The following ZFP28 variants were observed in gnomAD, a reference collection of about 807,000 sequenced individuals.
The protein encoded by ZFP28 is zinc finger protein 28 homolog.
ZFP28 carries 31 observed loss-of-function variants against 39.5 expected under a neutral mutation model. That is an observed-to-expected ratio of 0.79 (90% CI 0.59 to 1.06). ZFP28 has a LOEUF of 1.06. ZFP28 is among the 50% of genes least tolerant of loss of function. ZFP28 has a pLI of 0.00. For missense variants in ZFP28, 925 were observed against 1,048.4 expected (o/e 0.88, Z 1.63); for synonymous variants, 400 against 378.6 (o/e 1.06, Z -0.66).
intron 2 of ZFP28, chr19:56,546,791 G>A (rs1481924234): frequency 6.6e-6 from 1 of 152,284 alleles, no homozygotes; most frequent in African/African-American, 2.4e-5. Context: ...GGACAGTGCT[G>A]TAGTACCTGT....
Position 56,555,194 on chromosome 19 carries a change from TAA to T in ZFP28, c.2410_2411del (p.Lys804GlufsTer10). 1.2e-6 allele frequency: 2 copies of T among 1,614,168 alleles called. No individual in the cohort carries two copies. Among genetic ancestry groups the T allele is most frequent in the Non-Finnish European group, 1.7e-6 (2 of 1,180,024 alleles). ...TCCAAATTGGACACCTTAATCAACA[TAA>T]GAGAGTTCATACTGGAGAGAGATCT... is the stretch of plus-strand genomic sequence containing the variant. ...FIQIGHLNQH[K>X]RVHTGERSYN... On this transcript the variant is annotated frameshift_variant, in exon 8 of 8. Coordinates refer to ENST00000301318, the MANE Select transcript of ZFP28 (RefSeq NM_020828.2). LOFTEE classifies it low-confidence loss of function (END_TRUNC).
upstream of ZFP28, chr19:56,537,778 A>G (rs1022025877): frequency 6.6e-6 from 1 of 152,322 alleles, no homozygotes; most frequent in African/African-American, 2.4e-5. Flanking sequence ...CCAGGCGTGC[A>G]GTGTGACTGG....
chr19:56,553,753 A>G lies in ZFP28; in HGVS notation c.968A>G (p.Asp323Gly). 6.2e-7 allele frequency: 1 copy of G among 1,614,180 alleles called. No individual in the cohort carries two copies. The highest frequency in any genetic ancestry group is 8.5e-7 in the Non-Finnish European group (1 of 1,180,030). The change falls in exon 8 of 8, where the codon GAC becomes GGC. Residue 323 changes from aspartate (D) to glycine (G), a missense_variant. By Grantham distance (94) the Asp-to-Gly change is moderately conservative (BLOSUM62 -1). Coordinates refer to ENST00000301318, the MANE Select transcript of ZFP28 (RefSeq NM_020828.2). ...KQDSYAEGVT[D>G]RTSNTKLDCS... is the part of the protein sequence containing the mutation. ...GATTCATATGCTGAAGGGGTAACAGACAGAACCTCAAACACTAAACTTGAT... is the reference window on the plus strand; with the variant it reads ...GATTCATATGCTGAAGGGGTAACAGGCAGAACCTCAAACACTAAACTTGAT...
At chr19:56,538,465 G>A (rs1354045839), upstream of ZFP28, 3 of 152,776 alleles carry the variant, frequency 2.0e-5, no homozygotes, top group African/African-American at 4.8e-5. Flanking sequence ...AGAAGCCTTT[G>A]GGGGGTGGGT....
In ZFP28 at chr19:56,539,075, C is replaced by A. The variant is rs61730414; in HGVS notation, c.57C>A (p.Gly19=). Reference sequence around the variant, plus strand: ...AGCCGACGCCGCTCCCGGGTAGAGGCGCCCCCCGCACAAAGCCCCGGGCGG... The same window carrying A: ...AGCCGACGCCGCTCCCGGGTAGAGGAGCCCCCCGCACAAAGCCCCGGGCGG... ...VREPTPLPGR[G]APRTKPRAGR... is the part of the protein sequence containing the mutation. Residue 19 remains glycine, a synonymous_variant, in exon 1 of 8, where the codon GGC becomes GGA. Transcript: ENST00000301318. The A allele has an allele frequency of 0.013, 20,239 of 1,526,466 alleles. 159 individuals carry two copies. The highest frequency in any genetic ancestry group is 0.016 in the Non-Finnish European group (18,282 of 1,141,608). 94.6% of individuals were successfully genotyped at this position (1,526,466 alleles called of 1,614,324 possible).
At chr19:56,538,656 C>T (rs778770800), upstream of ZFP28, 1 of 151,870 alleles carries the variant, frequency 6.6e-6, no homozygotes, top group South Asian at 2.1e-4. Context: ...CCGCCGCATC[C>T]GTCCCTGCTT....
At chr19:56,539,755 CT>C in intron 2 of ZFP28, 39 bp downstream of exon 2, 1 of 1,576,686 alleles carries the variant, frequency 6.3e-7, no homozygotes, top group Non-Finnish European at 8.7e-7. Flanking sequence ...GAAATGCAGT[CT>C]TGCTTTTCGG....
At position 56,550,565 on chromosome 19, in the gene ZFP28, C is replaced by G. The variant is rs750377293; in HGVS notation, c.858C>G (p.Pro286=). The change falls in exon 7 of 8, where the codon CCC becomes CCG. Residue 286 remains proline (P), a synonymous_variant. Coordinates refer to ENST00000301318, the MANE Select transcript of ZFP28 (RefSeq NM_020828.2). The part of the protein sequence containing the change: ...LVSLLEQEKE[P]WMVKRELTGS... ...CTTTACTAGAGCAAGAGAAGGAGCC[C>G]TGGATGGTGAAGCGAGAGCTGACAG... 6.2e-7 allele frequency: 1 copy of G among 1,614,098 alleles called. No individual in the cohort carries two copies.
At position 56,547,888 on chromosome 19, in the gene ZFP28, G is replaced by T; in HGVS notation, c.509G>T (p.Arg170Ile). ...EPWTVKRKMT[R>I]AWCPDLKAVW... is the part of the protein sequence containing the mutation. The stretch of plus-strand genomic sequence containing the variant: ...TGGACAGTGAAGCGAAAGATGACAA[G>T]AGCCTGGTGCCCAGGTGAGTGTGGG... Residue 170 changes from arginine (R) to isoleucine (I), a missense_variant, in exon 4 of 8, where the codon AGA becomes ATA. Physicochemically the swap from Arg to Ile is moderately conservative, Grantham distance 97. Transcript: ENST00000301318. The surrounding 1 kb of genome is among the most constrained non-coding windows in gnomAD (Gnocchi z 4.6). 2 of 1,614,188 alleles carry T rather than the reference G, an allele frequency of 1.2e-6. No individual in the cohort carries two copies. Among genetic ancestry groups the T allele is most frequent in the Non-Finnish European group, 1.7e-6 (2 of 1,180,032 alleles).
intron 2 of ZFP28, among the ~76,000 whole-genome samples, chr19:56,543,499 G>A (rs924726142): frequency 1.3e-5 from 2 of 151,766 alleles, no homozygotes; most frequent in Non-Finnish European, 2.9e-5. Flanking sequence ...CAAACTCCTG[G>A]GCTCAAGGAA....
In ZFP28 at chr19:56,555,555, G is replaced by A; in HGVS notation, c.*163G>A. The A allele has an allele frequency of 3.0e-6, 3 of 998,842 alleles. No individual in the cohort carries two copies. The highest frequency in any genetic ancestry group is 3.3e-4 in the Middle Eastern group (1 of 3,032). The allele number at this position is 998,842 out of a possible 1,614,324, so 61.9% of individuals were successfully genotyped here. ...TTATAGTTTCTTTAAATTGGTTAAT[G>A]TGTGAGATGTGCTCAGCACAGTGCC... On this transcript the variant is annotated 3_prime_UTR_variant, in exon 8 of 8. Coordinates refer to ENST00000301318, the MANE Select transcript of ZFP28 (RefSeq NM_020828.2).
rs918908641 is a variant in ZFP28 at position 56,539,555 on chromosome 19, G to A, written c.209-70G>A. 20 of 1,316,946 alleles carry A rather than the reference G, an allele frequency of 1.5e-5. No individual in the cohort carries two copies. In the South Asian group the frequency reaches 2.3e-4, roughly 15 times the overall value. 81.6% of individuals were successfully genotyped at this position (1,316,946 alleles called of 1,614,324 possible). A position where few individuals can be genotyped will look rare whatever the true frequency, so the allele number is the denominator to read the frequency against. ...TGATCCCACCTTTTCATGCAGGAAG[G>A]GACGTTTCTAGGCTGGTGATTTGGG... On this transcript the variant is annotated intron_variant, in intron 1 of 7. Coordinates refer to ENST00000301318, the MANE Select transcript of ZFP28 (RefSeq NM_020828.2).
intron 7 of ZFP28, 22 bp from the exon 8 acceptor site, chr19:56,553,662 G>C (rs769158268): frequency 2.0e-6 from 3 of 1,538,080 alleles, no homozygotes; most frequent in Non-Finnish European, 2.6e-6. Context: ...AAGGAAATAT[G>C]TGTTTTCTTG....
Position 56,544,781 on chromosome 19 carries a change from G to A in ZFP28, c.301-2727G>A, listed in dbSNP as rs532255198. On this transcript the variant is annotated intron_variant, in intron 2 of 7. Coordinates refer to ENST00000301318, the MANE Select transcript of ZFP28 (RefSeq NM_020828.2). ...AGTGTTGTAAGTGCTTTCAGCTATT[G>A]TTATTGCTGTTATTTACAGTAAAAG... 1.2e-4 allele frequency: 19 copies of A among 152,298 alleles called. No homozygotes were observed. The South Asian group carries it at 3.3e-3, about 27-fold the overall frequency. 9.4% of individuals were successfully genotyped at this position (152,298 alleles called of 1,614,324 possible). A position where few individuals can be genotyped will look rare whatever the true frequency, so the allele number is the denominator to read the frequency against.
chr19:56,541,445 C>T (rs2044194378), intron 2 of ZFP28, among the ~76,000 whole-genome samples: 1 of 152,148 alleles, frequency 6.6e-6, no homozygotes, highest in Non-Finnish European at 1.5e-5. Context: ...CTTCTGCTCA[C>T]GCTCCCCACA....
intron 4 of ZFP28, 121 bp from the exon 5 acceptor site, chr19:56,548,837 T>C: frequency 7.5e-6 from 8 of 1,061,442 alleles, no homozygotes; most frequent in Non-Finnish European, 1.0e-5. Context: ...TTTCATTTTC[T>C]TCCATAAAAA....
At chr19:56,537,638 G>C (rs2044146108), upstream of ZFP28, 1 of 152,252 alleles carries the variant, frequency 6.6e-6, no homozygotes, top group Non-Finnish European at 1.5e-5. Context: ...AGTGCTTTGA[G>C]AGAAATGCTG....
In ZFP28 at chr19:56,547,466, C is replaced by A; in HGVS notation, c.301-42C>A. The A allele has an allele frequency of 6.2e-7, 1 of 1,613,844 alleles. No individual in the cohort carries two copies. The highest frequency in any genetic ancestry group is 8.5e-7 in the Non-Finnish European group (1 of 1,179,866). On this transcript the variant is annotated intron_variant, in intron 2 of 7. Transcript: ENST00000301318. The surrounding 1 kb of genome is among the most constrained non-coding windows in gnomAD (Gnocchi z 4.6). ...TAACAAACCCCCAGTCATGTGGGGG[C>A]ATGAGCACTGGTTGAGCAAGAACAT...
chr19:56,547,664 T>C lies in ZFP28; in HGVS notation c.427+30T>C. 2 of 1,159,388 alleles carry C rather than the reference T, an allele frequency of 1.7e-6. No homozygotes were observed. Among genetic ancestry groups the C allele is most frequent in the Non-Finnish European group, 2.5e-6 (2 of 816,008 alleles). 71.8% of individuals were successfully genotyped at this position (1,159,388 alleles called of 1,614,324 possible). A position where few individuals can be genotyped will look rare whatever the true frequency, so the allele number is the denominator to read the frequency against. On this transcript the variant is annotated intron_variant, in intron 3 of 7. Coordinates refer to ENST00000301318, the MANE Select transcript of ZFP28 (RefSeq NM_020828.2). This position sits in a 1 kb window ranked among gnomAD's most constrained non-coding sequence, Gnocchi z 4.6. ...GGGCTCCCACCCCTTTTCCCACCCCTCACCCTACCCACGTCCTGGACTAAG... is the reference window on the plus strand; with the variant it reads ...GGGCTCCCACCCCTTTTCCCACCCCCCACCCTACCCACGTCCTGGACTAAG...
Sources: gnomAD v4.1 joint callset for allele counts (sites outside exome capture counted in the v4.1 genomes callset) on GRCh38, gnomAD v4.1.1 for gene constraint, Gnocchi (gnomAD v3.1) non-coding constraint, MANE v1.5 for transcripts, NCBI Gene and HGNC (gene_info 2026-07-23, HGNC 2026-07-21) for gene names.